RNF180: variants seen among roughly 807,000 people sequenced by gnomAD.
The protein encoded by RNF180 is ring finger protein 180.
RNF180 carries 38 observed loss-of-function variants against 59.2 expected under a neutral mutation model. The observed-to-expected ratio is 0.64, with a 90% CI of 0.50 to 0.84. RNF180 has a LOEUF of 0.84. Ranked by LOEUF, RNF180 falls within the 40% of genes least tolerant of loss-of-function variation. The pLI, the probability that RNF180 is intolerant of heterozygous loss-of-function variation, is 0.00. For missense variants in RNF180, 705 were observed against 700.9 expected (o/e 1.01, Z -0.07); for synonymous variants, 262 against 240.3 (o/e 1.09, Z -0.84).
intron 5 of RNF180, among the ~76,000 whole-genome samples, chr5:64,318,556 A>G (rs927192159): frequency 7.9e-5 from 12 of 152,188 alleles, no homozygotes; most frequent in African/African-American, 2.4e-4. Context: ...ATACACACAT[A>G]CATACATATA....
Position 64,173,578 on chromosome 5 carries a change from C to T in RNF180, c.-1+7625C>T, listed in dbSNP as rs73100363. On this transcript the variant is annotated intron_variant, in intron 1 of 7. Transcript: ENST00000389100. ...AGATCACCAAAACTTATTCCTTGTA[C>T]GTAACTGCAAGTTCGTACCTATTGA... 5.1e-3 allele frequency among the ~76,000 whole-genome samples: 778 copies of T among 152,228 alleles called. 10 individuals carry two copies. Among genetic ancestry groups the T allele is most frequent in the African/African-American group, 0.017 (707 of 41,538 alleles).
chr5:64,226,023 GC>G (rs1441093991), intron 5 of RNF180, among the ~76,000 whole-genome samples: 2 of 146,354 alleles, frequency 1.4e-5, no homozygotes, highest in African/African-American at 2.5e-5. Context: ...CTGCCCGGCC[GC>G]CCCGTCTGGG....
intron 1 of RNF180, among the ~76,000 whole-genome samples, chr5:64,193,139 T>C (rs1751270335): frequency 1.3e-5 from 2 of 151,628 alleles, no homozygotes; most frequent in African/African-American, 4.8e-5. Context: ...GGAAAGGAAA[T>C]CAGTAACTGT....
chr5:64,278,007 T>G (rs1050376097), intron 5 of RNF180, among the ~76,000 whole-genome samples: 2 of 152,206 alleles, frequency 1.3e-5, no homozygotes, highest in African/African-American at 4.8e-5. Context: ...TGTGACAGTT[T>G]GTTTTGCCTT....
intron 6 of RNF180, among the ~76,000 whole-genome samples, chr5:64,326,362 A>G (rs572558724): frequency 6.6e-6 from 1 of 152,182 alleles, no homozygotes; most frequent in Non-Finnish European, 1.5e-5. Context: ...TATTTAATAG[A>G]AACTCCTAAA....
intron 5 of RNF180, among the ~76,000 whole-genome samples, chr5:64,288,553 T>C (rs1742408668): frequency 6.6e-6 from 1 of 152,248 alleles, no homozygotes; most frequent in African/African-American, 2.4e-5. Flanking sequence ...CTTTAGTTTG[T>C]GTCCTCTTAT....
chr5:64,292,759 A>G (rs1742668578), intron 5 of RNF180, among the ~76,000 whole-genome samples: 1 of 152,176 alleles, frequency 6.6e-6, no homozygotes, highest in Non-Finnish European at 1.5e-5. Flanking sequence ...AGATATCAGC[A>G]GCCCCTCCCC....
intron 7 of RNF180, among the ~76,000 whole-genome samples, chr5:64,352,188 A>C (rs889818892): frequency 6.6e-6 from 1 of 151,968 alleles, no homozygotes; most frequent in Non-Finnish European, 1.5e-5. Context: ...GTTTATTTGC[A>C]TAGAGGTGTT....
At chr5:64,263,985 A>G (rs991614331) in intron 5 of RNF180, among the ~76,000 whole-genome samples, 7 of 152,156 alleles carry the variant, frequency 4.6e-5, no homozygotes, top group Middle Eastern at 3.2e-3. Flanking sequence ...TTTCCATGGC[A>G]TAATTCTACT....
chr5:64,239,571 C>T (rs921278539), intron 5 of RNF180, among the ~76,000 whole-genome samples: 2 of 151,956 alleles, frequency 1.3e-5, no homozygotes, highest in Non-Finnish European at 2.9e-5. Context: ...GAGTTAAGAG[C>T]TGTTGTATTG....
At chr5:64,335,409 G>GTAT (rs1433948031) in intron 7 of RNF180, among the ~76,000 whole-genome samples, 3 of 151,588 alleles carry the variant, frequency 2.0e-5, no homozygotes, top group Non-Finnish European at 2.9e-5. Flanking sequence ...ATTTTCTTAT[G>GTAT]TATTTTTCAA....
intron 1 of RNF180, among the ~76,000 whole-genome samples, chr5:64,197,553 A>G (rs985054021): frequency 6.6e-6 from 1 of 152,212 alleles, no homozygotes; most frequent in Non-Finnish European, 1.5e-5. Context: ...ACCACCATAT[A>G]GATGCAAAAA....
intron 5 of RNF180, among the ~76,000 whole-genome samples, chr5:64,290,711 G>A (rs150061774): frequency 1.3e-5 from 2 of 151,854 alleles, no homozygotes; most frequent in Non-Finnish European, 2.9e-5. Context: ...GCCTTTTTCA[G>A]TTTTCCATTG....
chr5:64,352,544 T>C (rs1745859844), intron 7 of RNF180, among the ~76,000 whole-genome samples: 1 of 152,102 alleles, frequency 6.6e-6, no homozygotes, highest in South Asian at 2.1e-4. Flanking sequence ...CATTTAGTGC[T>C]ATAAATTTCC....
At chr5:64,297,925 G>T (rs927631275) in intron 5 of RNF180, among the ~76,000 whole-genome samples, 6 of 152,056 alleles carry the variant, frequency 3.9e-5, no homozygotes, top group African/African-American at 1.2e-4. Flanking sequence ...AAGTTCGGGG[G>T]TACATGTGCA....
chr5:64,332,325 CTATT>C (rs1349202651), intron 7 of RNF180, among the ~76,000 whole-genome samples: 4 of 152,280 alleles, frequency 2.6e-5, no homozygotes, highest in East Asian at 1.9e-4. Flanking sequence ...AGCAGAAGCT[CTATT>C]TATTTAGTTT....
chr5:64,263,238 A>G (rs961682120), intron 5 of RNF180, among the ~76,000 whole-genome samples: 1 of 152,194 alleles, frequency 6.6e-6, no homozygotes, highest in African/African-American at 2.4e-5. Context: ...AATTTTCTCT[A>G]TGTGAGTAAC....
At chr5:64,247,996 C>A (rs1743297394) in intron 5 of RNF180, among the ~76,000 whole-genome samples, 1 of 152,136 alleles carries the variant, frequency 6.6e-6, no homozygotes, top group Non-Finnish European at 1.5e-5. Context: ...CTGACAAAAA[C>A]AAGGAATGGG....
Position 64,325,297 on chromosome 5 carries a change from C to G in RNF180, c.1339C>G (p.Pro447Ala). The G allele has an allele frequency of 6.4e-7, 1 of 1,551,456 alleles. No individual in the cohort carries two copies. Among genetic ancestry groups the G allele is most frequent in the Non-Finnish European group, 8.7e-7 (1 of 1,146,820 alleles). ...DVYFNPYMCY[P>A]CHHIFCEPCL... ...TTATTTCAACCCTTATATGTGTTAC[C>G]CTTGCCATCACATCTTCTGTGAGCC... Residue 447 changes from proline (P) to alanine (A), a missense_variant, in exon 6 of 8, where the codon CCT becomes GCT. Pro to Ala is a conservative substitution (Grantham distance 27). Coordinates refer to ENST00000389100, the MANE Select transcript of RNF180 (RefSeq NM_001113561.2).
Sources: gnomAD v4.1 joint callset for allele counts (sites outside exome capture counted in the v4.1 genomes callset) on GRCh38, gnomAD v4.1.1 for gene constraint, MANE v1.5 for transcripts, NCBI Gene and HGNC (gene_info 2026-07-23, HGNC 2026-07-21) for gene names.